MYH11: variants seen among roughly 807,000 people sequenced by gnomAD.
MYH11 encodes myosin-11.
A neutral mutation model predicts 246.6 loss-of-function variants in MYH11; 80 were observed. That is an observed-to-expected ratio of 0.32 (90% CI 0.27 to 0.39). MYH11 has a LOEUF of 0.39. Ranked by LOEUF, MYH11 falls within the 10% of genes least tolerant of loss-of-function variation. The pLI is 1.00. For synonymous variants in MYH11, 1,071 were observed against 1,015.5 expected (o/e 1.05, Z -1.04); for missense variants, 2,158 against 2,546.8 (o/e 0.85, Z 3.29).
intron 9 of MYH11, among the ~76,000 whole-genome samples, chr16:15,764,783 C>T (rs1455161940): frequency 6.6e-6 from 1 of 152,168 alleles, no homozygotes; most frequent in Non-Finnish European, 1.5e-5. Context: ...ACACAATTTT[C>T]TCCATGTAAA....
chr16:15,752,199 G>T (rs2041591326), intron 15 of MYH11, among the ~76,000 whole-genome samples: 1 of 152,068 alleles, frequency 6.6e-6, no homozygotes, highest in African/African-American at 2.4e-5. Flanking sequence ...GGATGACACA[G>T]ACCCAGGGTG....
rs1412908321 is a variant in MYH11, at chr16:15,843,914, C to A, written c.-17-5645G>T. Among the ~76,000 whole-genome samples the A allele has an allele frequency of 3.3e-5, 5 of 152,188 alleles. No individual in the cohort carries two copies. The East Asian group carries it at 9.7e-4, about 29-fold the overall frequency. On this transcript the variant is annotated intron_variant, in intron 1 of 40. Transcript: ENST00000300036. ...CTGGTCTAGGGTCCCCACCACAAGA[C>A]TGACTATATCAGATGAAGAGCTCTT... is the stretch of plus-strand genomic sequence containing the variant.
chr16:15,777,215 G>A (rs113841182), intron 7 of MYH11, among the ~76,000 whole-genome samples: 8,154 of 152,104 alleles, frequency 0.054, 297 homozygotes, highest in Middle Eastern at 0.17. Flanking sequence ...TCTGCCTCCC[G>A]GATCCAAGCA....
At chr16:15,742,340 A>C (rs768464561) in intron 20 of MYH11, 27 of 256,472 alleles carry the variant, frequency 1.1e-4, no homozygotes, top group Non-Finnish European at 2.0e-4. Context: ...TCCCTATCAA[A>C]GTCATTATTA....
chr16:15,751,321 G>A (rs1474010264), intron 15 of MYH11, among the ~76,000 whole-genome samples: 1 of 151,682 alleles, frequency 6.6e-6, no homozygotes, highest in South Asian at 2.1e-4. Context: ...CACCACGCCC[G>A]GCTCATTTTT....
chr16:15,796,942 C>T (rs1053652233), intron 4 of MYH11, among the ~76,000 whole-genome samples: 1 of 152,184 alleles, frequency 6.6e-6, no homozygotes, highest in Non-Finnish European at 1.5e-5. Context: ...CATTGTCAAA[C>T]ATCAAATGTG....
intron 1 of MYH11, among the ~76,000 whole-genome samples, chr16:15,847,353 T>C (rs1043843398): frequency 6.7e-6 from 1 of 150,248 alleles, no homozygotes; most frequent in Non-Finnish European, 1.5e-5. Flanking sequence ...CAGGCTCAAG[T>C]GATCCTCCCA....
intron 4 of MYH11, 87 bp downstream of exon 4, chr16:15,798,573 T>A: frequency 2.2e-6 from 3 of 1,357,960 alleles, no homozygotes; most frequent in Non-Finnish European, 3.0e-6. Context: ...CACTCATGGA[T>A]CTTTTCTTTC....
chr16:15,771,435 C>CT lies in MYH11; in HGVS notation c.1033+133dup, dbSNP rs200813930. On this transcript the variant is annotated intron_variant, in intron 9 of 40. Coordinates refer to ENST00000300036, the MANE Select transcript of MYH11 (RefSeq NM_002474.3). ...ACCTAGAATAAAATTCATTTTCCTC[C>CT]TTTTTTTTTTTTTTTTTTAATGGAA... 0.029 allele frequency: 20,538 copies of CT among 702,440 alleles called. 134 individuals are homozygous for CT. Among genetic ancestry groups the CT allele is most frequent in the African/African-American group, 0.069 (3,471 of 50,398 alleles). 43.5% of individuals were successfully genotyped at this position (702,440 alleles called of 1,614,324 possible). A position where few individuals can be genotyped will look rare whatever the true frequency, so the allele number is the denominator to read the frequency against.
intron 23 of MYH11, among the ~76,000 whole-genome samples, 187 bp from the exon 24 acceptor site, chr16:15,738,875 C>T (rs1180887168): frequency 2.6e-5 from 4 of 152,180 alleles, no homozygotes; most frequent in East Asian, 1.9e-4. Flanking sequence ...TTTCTCATCT[C>T]GTGCCAGTTT....
At chr16:15,762,607 C>T (rs1219256246) in intron 10 of MYH11, among the ~76,000 whole-genome samples, 3 of 152,132 alleles carry the variant, frequency 2.0e-5, no homozygotes, top group Non-Finnish European at 2.9e-5. Context: ...AGGACAGCTT[C>T]GACTCCCTGT....
chr16:15,776,157 C>G lies in MYH11; in HGVS notation c.810G>C (p.Arg270=). 1 of 1,613,868 alleles carries G rather than the reference C, an allele frequency of 6.2e-7. No individual in the cohort carries two copies. The highest frequency in any genetic ancestry group is 8.5e-7 in the Non-Finnish European group (1 of 1,179,832). Reference sequence around the variant, plus strand: ...TCTCGTCTCTGGCTTGGCGAATTGCCCGTGATTTTTCTAGCAGATCTGGTT... The same window carrying G: ...TCTCGTCTCTGGCTTGGCGAATTGCGCGTGATTTTTCTAGCAGATCTGGTT... The part of the protein sequence containing the change: ...NIETYLLEKS[R]AIRQARDERT... The change falls in exon 8 of 41, where the codon CGG becomes CGC. Residue 270 remains arginine (R), a synonymous_variant. Coordinates refer to ENST00000300036, the MANE Select transcript of MYH11 (RefSeq NM_002474.3).
rs1264866908 is a variant in MYH11, at chr16:15,729,405, G to A, written c.3652-2351C>T. ...TGTGCGGGTCAGTAATGGACATGCCGTCTGCTGGTGGTCTTAATAACTGCG... is the reference window on the plus strand; with the variant it reads ...TGTGCGGGTCAGTAATGGACATGCCATCTGCTGGTGGTCTTAATAACTGCG... On this transcript the variant is annotated intron_variant, in intron 27 of 40. Transcript: ENST00000300036. Among the ~76,000 whole-genome samples, 5 of 152,168 alleles carry A rather than the reference G, an allele frequency of 3.3e-5. No homozygotes were observed. The South Asian group carries it at 6.2e-4, about 19-fold the overall frequency.
At chr16:15,765,218 G>A (rs2041955453) in intron 9 of MYH11, among the ~76,000 whole-genome samples, 2 of 144,264 alleles carry the variant, frequency 1.4e-5, no homozygotes, top group Non-Finnish European at 3.1e-5. Context: ...ATGGATGGGT[G>A]GGTAGATGAA....
chr16:15,790,893 T>G (rs1029782753), intron 4 of MYH11: 3 of 152,098 alleles, frequency 2.0e-5, no homozygotes, highest in African/African-American at 7.2e-5. Flanking sequence ...CTTCATACTC[T>G]AATGTTGCCA....
intron 8 of MYH11, among the ~76,000 whole-genome samples, chr16:15,773,314 G>A (rs1228835389): frequency 2.4e-4 from 34 of 139,598 alleles, no homozygotes; most frequent in Non-Finnish European, 7.7e-5. Context: ...TTTTGAGAGG[G>A]AGTTTCACCT....
At chr16:15,736,962 T>G (rs2151243207) in intron 25 of MYH11, among the ~76,000 whole-genome samples, 1 of 152,128 alleles carries the variant, frequency 6.6e-6, no homozygotes, top group African/African-American at 2.4e-5. Context: ...TGGGGGACAT[T>G]TAGAAGGACT....
At chr16:15,724,088 C>T (rs2040621866) in intron 31 of MYH11, 73 bp downstream of exon 31, 9 of 1,604,492 alleles carry the variant, frequency 5.6e-6, no homozygotes, top group African/African-American at 2.7e-5. Flanking sequence ...CAGAGCCACG[C>T]GTCATACTCT....
chr16:15,757,024 T>G (rs984780646), intron 13 of MYH11, among the ~76,000 whole-genome samples: 2 of 150,142 alleles, frequency 1.3e-5, no homozygotes, highest in African/African-American at 4.9e-5. Context: ...GGTCTCCATC[T>G]CCTGACCTCG....
Sources: allele counts gnomAD v4.1 joint callset (sites outside exome capture counted in the v4.1 genomes callset), GRCh38; gene constraint gnomAD v4.1.1; transcripts MANE v1.5; gene names NCBI Gene and HGNC (gene_info 2026-07-23, HGNC 2026-07-21).